POLK: variants seen among roughly 807,000 people sequenced by gnomAD.
POLK encodes DNA polymerase kappa.
Under a neutral mutation model 94.0 loss-of-function variants are expected in POLK, and 76 were observed. The observed-to-expected ratio is 0.81, with a 90% CI of 0.67 to 0.98. POLK has a LOEUF of 0.98. Ranked by LOEUF, POLK falls within the 50% of genes least tolerant of loss-of-function variation. The pLI is 0.00. For synonymous variants in POLK, 349 were observed against 325.4 expected, an observed-to-expected ratio of 1.07 and a Z score of -0.78; for missense variants, 954 against 1,010.1, an observed-to-expected ratio of 0.94 and a Z score of 0.75.
rs532945186 is a variant in POLK, at chr5:75,597,639, T to C, written c.2486-108T>C. ...GTGTGTTTACATATGAACTATATAG[T>C]ACTAAGGAAGTTTAATCAATAAGTT... On this transcript the variant is annotated intron_variant, in intron 13 of 14. Coordinates refer to ENST00000241436, the Ensembl canonical transcript of POLK. 7 of 565,612 alleles carry C rather than the reference T, an allele frequency of 1.2e-5. No individual in the cohort carries two copies. In the East Asian group the frequency reaches 2.2e-4, roughly 18 times the overall value. The allele number at this position is 565,612 out of a possible 1,614,324, so 35.0% of individuals were successfully genotyped here.
upstream of POLK, chr5:75,511,483 C>T (rs1767999142): frequency 6.7e-7 from 1 of 1,502,356 alleles, no homozygotes; most frequent in African/African-American, 1.4e-5. Flanking sequence ...TTGCGCCCGG[C>T]GCTGCCACCC....
chr5:75,530,156 C>G (rs912753232), intron 1 of POLK, among the ~76,000 whole-genome samples: 2 of 151,554 alleles, frequency 1.3e-5, no homozygotes, highest in South Asian at 2.1e-4. Context: ...CTTTGGATTA[C>G]TGGGAAGATC....
At chr5:75,522,322 T>C (rs1255973542) in intron 1 of POLK, among the ~76,000 whole-genome samples, 3 of 152,232 alleles carry the variant, frequency 2.0e-5, no homozygotes, top group Non-Finnish European at 1.5e-5. Context: ...TTGGAGTCTT[T>C]TTCACTTTTT....
At chr5:75,583,294 C>A in exon 8 of POLK, 1 of 1,584,670 alleles carries the variant, frequency 6.3e-7, no homozygotes, top group South Asian at 1.2e-5. Context: ...TCTTTTAAGG[C>A]ATTGCCCCAA....
chr5:75,511,271 C>T, upstream of POLK: 1 of 1,590,110 alleles, frequency 6.3e-7, no homozygotes, highest in Non-Finnish European at 8.6e-7. Flanking sequence ...AGGAGGCGCC[C>T]AGTCCTCGGG....
At chr5:75,511,787 G>C in exon 1 of POLK, 1 of 1,551,582 alleles carries the variant, frequency 6.4e-7, no homozygotes, top group South Asian at 1.2e-5. Flanking sequence ...ACGACGGGTA[G>C]AAAAGCAGGA....
At position 75,576,779 on chromosome 5, in the gene POLK, G is replaced by T; in HGVS notation, c.541-1G>T. On this transcript the variant is annotated splice_acceptor_variant, in intron 5 of 14. Transcript: ENST00000241436. LOFTEE classifies it high-confidence loss of function. ...TAAACTTTTTTTTGTTTCCTTTGAA[G>T]GTTAAGGAAATACTTGCTGATTATG... 1 of 1,484,764 alleles carries T rather than the reference G, an allele frequency of 6.7e-7. No homozygotes were observed. The highest frequency in any genetic ancestry group is 1.4e-5 in the South Asian group (1 of 69,232). 92.0% of individuals were successfully genotyped at this position (1,484,764 alleles called of 1,614,324 possible). A position where few individuals can be genotyped will look rare whatever the true frequency, so the allele number is the denominator to read the frequency against.
chr5:75,525,617 A>G (rs1376017541), intron 1 of POLK, among the ~76,000 whole-genome samples: 1 of 152,152 alleles, frequency 6.6e-6, no homozygotes, highest in Non-Finnish European at 1.5e-5. Flanking sequence ...TAGGAAGAGG[A>G]AGAAACAATA....
At chr5:75,590,899 C>T (rs2112867258) in intron 11 of POLK, among the ~76,000 whole-genome samples, 1 of 152,266 alleles carries the variant, frequency 6.6e-6, no homozygotes, top group Middle Eastern at 3.4e-3. Flanking sequence ...TTGCTTAACA[C>T]AGGACAACAA....
intron 1 of POLK, 96 bp from the exon 2 acceptor site, chr5:75,546,914 G>A (rs917145981): frequency 1.2e-5 from 6 of 509,872 alleles, no homozygotes; most frequent in East Asian, 6.6e-5. Context: ...CAATCTGCCC[G>A]CCTCGGCCTC....
At chr5:75,598,150 T>C in exon 15 of POLK, 1 of 466,212 alleles carries the variant, frequency 2.1e-6, no homozygotes, top group South Asian at 4.5e-5. Context: ...TCAGATGATG[T>C]TTGCTTTTCT....
At chr5:75,561,884 G>T (rs1771001676) in intron 3 of POLK, among the ~76,000 whole-genome samples, 1 of 152,190 alleles carries the variant, frequency 6.6e-6, no homozygotes, top group African/African-American at 2.4e-5. Context: ...TTTGTTACCA[G>T]TACCATGCTG....
intron 3 of POLK, among the ~76,000 whole-genome samples, chr5:75,556,446 T>G (rs1770623323): frequency 6.6e-6 from 1 of 152,198 alleles, no homozygotes; most frequent in Admixed American, 6.5e-5. Flanking sequence ...CAAATATTGT[T>G]TCCCAACCTG....
intron 4 of POLK, among the ~76,000 whole-genome samples, chr5:75,571,301 G>A (rs1447457350): frequency 2.0e-5 from 3 of 152,134 alleles, no homozygotes; most frequent in African/African-American, 7.2e-5. Context: ...TATTCCCACT[G>A]ATAAAATTCT....
At chr5:75,607,723 T>C in the POLK span, among the ~76,000 whole-genome samples, 1 of 152,186 alleles carries the variant, frequency 6.6e-6, no homozygotes, top group South Asian at 2.1e-4. Flanking sequence ...TTTGAGACTT[T>C]CACAAGAAAC....
chr5:75,528,995 T>C (rs570231103), intron 1 of POLK, among the ~76,000 whole-genome samples: 1 of 152,242 alleles, frequency 6.6e-6, no homozygotes. Context: ...AGCATTTACA[T>C]ATAACCTTTA....
chr5:75,554,958 G>A (rs1225285304), intron 3 of POLK, among the ~76,000 whole-genome samples: 1 of 152,136 alleles, frequency 6.6e-6, no homozygotes, highest in African/African-American at 2.4e-5. Flanking sequence ...TAGTGCTGCA[G>A]TGAACAAACA....
chr5:75,597,671 T>G (rs964811307), intron 13 of POLK, 76 bp from the exon 14 acceptor site: 17 of 844,876 alleles, frequency 2.0e-5, no homozygotes, highest in Non-Finnish European at 2.7e-5. Flanking sequence ...AGTTTTAACT[T>G]TTTAAATTTG....
chr5:75,594,713 T>C (rs1772974456), intron 12 of POLK, among the ~76,000 whole-genome samples: 1 of 152,212 alleles, frequency 6.6e-6, no homozygotes, highest in African/African-American at 2.4e-5. Context: ...ACTTGTTGCT[T>C]ACAATTTTCA....
Sources: gnomAD v4.1 joint callset for allele counts (sites outside exome capture counted in the v4.1 genomes callset) on GRCh38, gnomAD v4.1.1 for gene constraint, MANE v1.5 for transcripts, NCBI Gene and HGNC (gene_info 2026-07-23, HGNC 2026-07-21) for gene names.